Variants in SNTB1 observed in about 807,000 individuals in gnomAD.
The protein encoded by SNTB1 is syntrophin beta 1, also known as beta-1-syntrophin.
SNTB1 carries 36 observed loss-of-function variants against 48.9 expected under a neutral mutation model. The observed-to-expected ratio is 0.74, with a 90% CI of 0.56 to 0.97. The LOEUF (loss-of-function observed/expected upper bound fraction) is 0.97, where lower values mean the gene tolerates loss of function less well. Ranked by LOEUF, SNTB1 falls within the 50% of genes least tolerant of loss-of-function variation. The pLI is 0.00. For missense variants in SNTB1, 786 were observed against 703.4 expected, an observed-to-expected ratio of 1.12 and a Z score of -1.33; for synonymous variants, 299 against 294.6, an observed-to-expected ratio of 1.01 and a Z score of -0.15.
chr8:120,681,140 A>G (rs1041815946), intron 2 of SNTB1, among the ~76,000 whole-genome samples: 1 of 152,244 alleles, frequency 6.6e-6, no homozygotes, highest in African/African-American at 2.4e-5. Context: ...CTTAAAAATA[A>G]CAAGACTAGA....
At chr8:120,645,241 G>A (rs939233433) in intron 2 of SNTB1, among the ~76,000 whole-genome samples, 4 of 152,116 alleles carry the variant, frequency 2.6e-5, no homozygotes, top group Non-Finnish European at 5.9e-5. Flanking sequence ...CCTTGCCCAT[G>A]CCTATGTCCT....
intron 2 of SNTB1, among the ~76,000 whole-genome samples, chr8:120,655,252 T>C (rs1817480616): frequency 6.6e-6 from 1 of 152,240 alleles, no homozygotes; most frequent in East Asian, 1.9e-4. Context: ...GAAGTATTCT[T>C]ATGTGAAAAA....
At position 120,629,697 on chromosome 8, in the gene SNTB1, G is replaced by A. The variant is rs113490442; in HGVS notation, c.996+2747C>T. On this transcript the variant is annotated intron_variant, in intron 3 of 6. Transcript: ENST00000517992. ...AGTTTGGATTTGTTCCCTTAAACTTGATCTATGGTAATCTTCTGAGAAGTG... is the reference window on the plus strand; with the variant it reads ...AGTTTGGATTTGTTCCCTTAAACTTAATCTATGGTAATCTTCTGAGAAGTG... 5.5e-3 allele frequency among the ~76,000 whole-genome samples: 843 copies of A among 152,260 alleles called. 14 individuals carry two copies. Among genetic ancestry groups the A allele is most frequent in the African/African-American group, 0.019 (784 of 41,552 alleles).
At chr8:120,673,180 T>C (rs1349162924) in intron 2 of SNTB1, among the ~76,000 whole-genome samples, 1 of 152,156 alleles carries the variant, frequency 6.6e-6, no homozygotes, top group Non-Finnish European at 1.5e-5. Flanking sequence ...GATTCTCAGG[T>C]CCTTCATCAA....
intron 2 of SNTB1, chr8:120,637,719 T>C (rs1203421939): frequency 1.8e-5 from 8 of 444,778 alleles, no homozygotes; most frequent in Admixed American, 8.5e-5. Flanking sequence ...CCTGTTGAAA[T>C]GGACATCTGC....
At chr8:120,673,986 T>C (rs1447087194) in intron 2 of SNTB1, among the ~76,000 whole-genome samples, 1 of 152,102 alleles carries the variant, frequency 6.6e-6, no homozygotes, top group East Asian at 1.9e-4. Context: ...TGCTGTACAG[T>C]GGCCATAGTT....
At chr8:120,628,948 C>T (rs1363788813) in intron 3 of SNTB1, among the ~76,000 whole-genome samples, 2 of 152,042 alleles carry the variant, frequency 1.3e-5, no homozygotes, top group African/African-American at 4.8e-5. Context: ...TGCTTGAGTC[C>T]AGGAGTTCCA....
intron 3 of SNTB1, among the ~76,000 whole-genome samples, chr8:120,620,616 A>AT (rs914287567): frequency 6.6e-6 from 1 of 152,042 alleles, no homozygotes; most frequent in African/African-American, 2.4e-5. Context: ...AACAGCTAAT[A>AT]TACAGCCAGT....
chr8:120,787,881 C>T lies in SNTB1; in HGVS notation c.571+23392G>A, dbSNP rs1257086977. Among the ~76,000 whole-genome samples the T allele has an allele frequency of 2.0e-5, 3 of 152,082 alleles. No individual in the cohort carries two copies. In the East Asian group the frequency reaches 5.8e-4, roughly 29 times the overall value. ...CCAAATAAAAGATGATCAAATAATT[C>T]CTGGAAGATTCATTGCACAAAGAAA... On this transcript the variant is annotated intron_variant, in intron 1 of 6. Coordinates refer to ENST00000517992, the MANE Select transcript of SNTB1 (RefSeq NM_021021.4).
chr8:120,579,168 C>T (rs1334011887), intron 3 of SNTB1, among the ~76,000 whole-genome samples: 1 of 146,502 alleles, frequency 6.8e-6, no homozygotes, highest in African/African-American at 2.6e-5. Context: ...CAGAGCGAGA[C>T]TCTGTCTCAA....
chr8:120,806,378 G>GT (rs1563609067), intron 1 of SNTB1, among the ~76,000 whole-genome samples: 1 of 152,206 alleles, frequency 6.6e-6, no homozygotes, highest in Non-Finnish European at 1.5e-5. Context: ...CCGTGCATTG[G>GT]TAGTGATTTA....
chr8:120,576,129 G>A (rs929461043), intron 3 of SNTB1, among the ~76,000 whole-genome samples: 6 of 152,178 alleles, frequency 3.9e-5, no homozygotes, highest in African/African-American at 1.4e-4. Context: ...GAGCTTGCTA[G>A]AGTCTCAGGC....
At chr8:120,583,197 A>G (rs1816076632) in intron 3 of SNTB1, among the ~76,000 whole-genome samples, 1 of 152,164 alleles carries the variant, frequency 6.6e-6, no homozygotes, top group Admixed American at 6.5e-5. Flanking sequence ...ACTAAAGCAT[A>G]TTCAAGAAGA....
intron 2 of SNTB1, among the ~76,000 whole-genome samples, chr8:120,668,748 G>A (rs1031583983): frequency 6.6e-5 from 10 of 152,122 alleles, no homozygotes; most frequent in South Asian, 2.1e-4. Context: ...CACTAATTTT[G>A]CATCAAGAAC....
intron 1 of SNTB1, among the ~76,000 whole-genome samples, chr8:120,744,970 A>T (rs1819102116): frequency 6.6e-6 from 1 of 152,124 alleles, no homozygotes; most frequent in Non-Finnish European, 1.5e-5. Flanking sequence ...CTTGCCCCCA[A>T]ATCCATCGTC....
At chr8:120,657,443 C>A (rs1817520860) in intron 2 of SNTB1, among the ~76,000 whole-genome samples, 6 of 152,110 alleles carry the variant, frequency 3.9e-5, no homozygotes, top group Admixed American at 3.9e-4. Context: ...GAATCTGAGG[C>A]CTCATTCCAG....
chr8:120,791,261 T>C (rs66986774), intron 1 of SNTB1, among the ~76,000 whole-genome samples: 21,023 of 151,618 alleles, frequency 0.14, 2,395 homozygotes, highest in African/African-American at 0.31. Context: ...GAAGAATGAA[T>C]CCGGATCCTA....
At chr8:120,613,045 T>A (rs1208701716) in intron 3 of SNTB1, among the ~76,000 whole-genome samples, 1 of 152,140 alleles carries the variant, frequency 6.6e-6, no homozygotes, top group Non-Finnish European at 1.5e-5. Flanking sequence ...CACTCTTATG[T>A]GGGAACTAAA....
chr8:120,727,873 A>G (rs1455589226), intron 1 of SNTB1, among the ~76,000 whole-genome samples: 1 of 152,186 alleles, frequency 6.6e-6, no homozygotes, highest in East Asian at 1.9e-4. Context: ...CCTAGACCGG[A>G]AGAATTCACA....
Sources: allele counts gnomAD v4.1 joint callset (sites outside exome capture counted in the v4.1 genomes callset), GRCh38; gene constraint gnomAD v4.1.1; transcripts MANE v1.5; gene names NCBI Gene and HGNC (gene_info 2026-07-23, HGNC 2026-07-21).